DCN: variants seen among roughly 807,000 people sequenced by gnomAD.
The protein encoded by DCN is bone proteoglycan II.
A neutral mutation model predicts 36.5 loss-of-function variants in DCN; 17 were observed. The ratio of observed to expected loss-of-function variants is 0.47; its 90% CI spans 0.32 to 0.70. The LOEUF (loss-of-function observed/expected upper bound fraction) is 0.70. DCN is among the 30% of genes least tolerant of loss of function. The probability of loss-of-function intolerance (pLI) is 0.04; values close to 1 mark genes in which losing one functional copy is unlikely to be tolerated. For missense variants in DCN, 389 were observed against 430.1 expected (o/e 0.90, Z 0.84); for synonymous variants, 163 against 161.4 (o/e 1.01, Z -0.07).
chr12:91,167,777 T>A (rs1292336249), intron 2 of DCN, among the ~76,000 whole-genome samples: 1 of 152,194 alleles, frequency 6.6e-6, no homozygotes, highest in Non-Finnish European at 1.5e-5. Context: ...ATGGCTAAAG[T>A]AGATCAAGAA....
chr12:91,171,103 G>A (rs894375229), intron 2 of DCN, among the ~76,000 whole-genome samples: 26 of 152,016 alleles, frequency 1.7e-4, no homozygotes, highest in Admixed American at 1.4e-3. Context: ...TTCAATTTAT[G>A]TCCAAAAAAT....
intron 2 of DCN, among the ~76,000 whole-genome samples, chr12:91,170,624 C>G (rs1882899625): frequency 6.6e-6 from 1 of 152,172 alleles, no homozygotes; most frequent in Non-Finnish European, 1.5e-5. Context: ...ATGCTACACT[C>G]TTTTGCAAAT....
intron 7 of DCN, among the ~76,000 whole-genome samples, chr12:91,147,695 G>T (rs1308956368): frequency 1.3e-5 from 2 of 151,978 alleles, no homozygotes; most frequent in Non-Finnish European, 2.9e-5. Context: ...TAGTGAAAAA[G>T]AAAAAGAGAG....
Position 91,158,481 on chromosome 12 carries a change from C to T in DCN, c.353G>A (p.Ser118Asn), listed in dbSNP as rs1337382086. The T allele has an allele frequency of 1.3e-6, 2 of 1,599,476 alleles. No homozygotes were observed. Among genetic ancestry groups the T allele is most frequent in the Admixed American group, 1.7e-5 (1 of 59,994 alleles). ...TGTAAATGCTCCAGGACTAACTTTG[C>T]TAATTTTATTGTTGACAAGAATCAA... The part of the protein sequence containing the change: ...HALILVNNKI[S>N]KVSPGAFTPL... Residue 118 changes from serine (S) to asparagine (N), a missense_variant, in exon 4 of 8, where the codon AGC (serine) becomes AAC (asparagine). Ser to Asn is a conservative substitution (Grantham distance 46). Transcript: ENST00000052754.
At chr12:91,173,186 G>A (rs1197691172) in intron 2 of DCN, among the ~76,000 whole-genome samples, 1 of 151,910 alleles carries the variant, frequency 6.6e-6, no homozygotes, top group African/African-American at 2.4e-5. Flanking sequence ...TAAGATTAGA[G>A]GGTCTCATGG....
rs139668129 is a variant in DCN at position 91,144,187 on chromosome 12, C to T, written c.*1871G>A. On this transcript the variant is annotated 3_prime_UTR_variant, in exon 8 of 8. Coordinates refer to ENST00000052754, the MANE Select transcript of DCN (RefSeq NM_001920.5). ...GAGTGTGCATCATTGAAGGCTACAA[C>T]ATGAAGGGTGCGTCACTCAAGGCTA... The T allele has an allele frequency of 1.3e-5, 2 of 152,218 alleles. No individual in the cohort carries two copies. The highest frequency in any genetic ancestry group is 4.8e-5 in the African/African-American group (2 of 41,528). The allele number at this position is 152,218 out of a possible 1,614,324, so 9.4% of individuals were successfully genotyped here.
At chr12:91,170,595 C>T (rs1369881742) in intron 2 of DCN, among the ~76,000 whole-genome samples, 1 of 152,076 alleles carries the variant, frequency 6.6e-6, no homozygotes, top group African/African-American at 2.4e-5. Context: ...TCAATTTAAC[C>T]CTATTTTAAT....
chr12:91,150,288 G>C (rs1881318518), intron 7 of DCN, among the ~76,000 whole-genome samples: 1 of 152,134 alleles, frequency 6.6e-6, no homozygotes, highest in Non-Finnish European at 1.5e-5. Flanking sequence ...ACAGTGACAA[G>C]ACAATTCATT....
At chr12:91,170,001 T>C (rs992539590) in intron 2 of DCN, 2 of 151,036 alleles carry the variant, frequency 1.3e-5, no homozygotes, top group Non-Finnish European at 2.9e-5. Flanking sequence ...GAGGCGGAGC[T>C]TGCAGTGAGC....
At chr12:91,172,723 T>A (rs1441417100) in intron 2 of DCN, 1 of 697,366 alleles carries the variant, frequency 1.4e-6, no homozygotes, top group African/African-American at 1.8e-5. Flanking sequence ...AGAATATTCA[T>A]CCAAGCATTA....
intron 2 of DCN, chr12:91,176,399 T>C (rs1211732045): frequency 1.3e-5 from 2 of 152,108 alleles, no homozygotes; most frequent in Non-Finnish European, 2.9e-5. Context: ...TGTAGAAAAC[T>C]TTCTCATCTG....
intron 2 of DCN, among the ~76,000 whole-genome samples, chr12:91,167,244 A>G (rs912121998): frequency 6.6e-6 from 1 of 152,156 alleles, no homozygotes; most frequent in Non-Finnish European, 1.5e-5. Flanking sequence ...TTGCTCAAAG[A>G]CAAGAGACAG....
rs556789425 is a variant in DCN, at chr12:91,140,692, C to G, written c.*5366G>C. Reference sequence around the variant, plus strand: ...TTATGTCTACAGCTCAACCCTTTCCCTTGAGCTCCAAAATTCTAGATCTAA... The same window carrying G: ...TTATGTCTACAGCTCAACCCTTTCCGTTGAGCTCCAAAATTCTAGATCTAA... On this transcript the variant is annotated 3_prime_UTR_variant, in exon 8 of 8. Transcript: ENST00000052754. 1 of 152,278 alleles carries G rather than the reference C, an allele frequency of 6.6e-6. No individual in the cohort carries two copies. The highest frequency in any genetic ancestry group is 2.1e-4 in the South Asian group (1 of 4,822). 9.4% of individuals were successfully genotyped at this position (152,278 alleles called of 1,614,324 possible).
chr12:91,169,100 G>A (rs769129479), intron 2 of DCN, among the ~76,000 whole-genome samples: 47 of 152,162 alleles, frequency 3.1e-4, no homozygotes, highest in Non-Finnish European at 6.0e-4. Flanking sequence ...GTAAAGGAGA[G>A]TTAAGAGATG....
chr12:91,150,008 A>G (rs1172523774), intron 7 of DCN, among the ~76,000 whole-genome samples: 1 of 152,204 alleles, frequency 6.6e-6, no homozygotes, highest in Non-Finnish European at 1.5e-5. Flanking sequence ...ATTCAAAACA[A>G]TACCTTTCAA....
At position 91,165,013 on chromosome 12, in the gene DCN, A is replaced by G. The variant is rs188456121; in HGVS notation, c.212-296T>C. Among the ~76,000 whole-genome samples the G allele has an allele frequency of 9.5e-4, 144 of 152,272 alleles. 2 individuals carry two copies. The highest frequency in any genetic ancestry group is 2.9e-3 in the African/African-American group (122 of 41,572). On this transcript the variant is annotated intron_variant, in intron 2 of 7. Coordinates refer to ENST00000052754, the MANE Select transcript of DCN (RefSeq NM_001920.5). ...TTGCATTAGGGTGTGGCTCAAATCT[A>G]TATGTTTTACCTCTTTGTTGTTGTA... is the stretch of plus-strand genomic sequence containing the variant.
Position 91,182,776 on chromosome 12 carries a change from G to A in DCN, c.-155C>T, listed in dbSNP as rs984177165. On this transcript the variant is annotated 5_prime_UTR_variant, in exon 1 of 8. Coordinates refer to ENST00000052754, the MANE Select transcript of DCN (RefSeq NM_001920.5). ...GAGGAGGGGGTAGGTGCTGCTCTGT[G>A]ACTAGGTTGAAAACCTCCTGCTTCT... 3 of 151,936 alleles carry A rather than the reference G, an allele frequency of 2.0e-5. No homozygotes were observed. Among genetic ancestry groups the A allele is most frequent in the Non-Finnish European group, 4.4e-5 (3 of 67,958 alleles). 9.4% of individuals were successfully genotyped at this position (151,936 alleles called of 1,614,324 possible). A position where few individuals can be genotyped will look rare whatever the true frequency, so the allele number is the denominator to read the frequency against.
At position 91,141,684 on chromosome 12, in the gene DCN, A is replaced by G. The variant is rs1303931490; in HGVS notation, c.*4374T>C. ...TATCTGATCAAGACAAAAAAGTTGGATTATTTTGACATTTTTGAGTGTATT... is the reference window on the plus strand; with the variant it reads ...TATCTGATCAAGACAAAAAAGTTGGGTTATTTTGACATTTTTGAGTGTATT... On this transcript the variant is annotated 3_prime_UTR_variant, in exon 8 of 8. Coordinates refer to ENST00000052754, the MANE Select transcript of DCN (RefSeq NM_001920.5). 10 of 152,232 alleles carry G rather than the reference A, an allele frequency of 6.6e-5. No individual in the cohort carries two copies. The highest frequency in any genetic ancestry group is 3.9e-4 in the East Asian group (2 of 5,182). The allele number at this position is 152,232 out of a possible 1,614,324, so 9.4% of individuals were successfully genotyped here.
At chr12:91,179,513 A>T (rs1206264880) in intron 1 of DCN, 2 of 152,076 alleles carry the variant, frequency 1.3e-5, no homozygotes, top group East Asian at 1.9e-4. Flanking sequence ...ATTATATTGC[A>T]ATTTGTTTTG....
Sources: gnomAD v4.1 joint callset for allele counts (sites outside exome capture counted in the v4.1 genomes callset) on GRCh38, gnomAD v4.1.1 for gene constraint, MANE v1.5 for transcripts, NCBI Gene and HGNC (gene_info 2026-07-23, HGNC 2026-07-21) for gene names.